The following SPMIP3 variants were observed in gnomAD, a reference collection of about 807,000 sequenced individuals.
SPMIP3 encodes the protein protein SPMIP3.
chr1:244,378,595 A>G, the SPMIP3 span: 1 of 1,614,162 alleles, frequency 6.2e-7, no homozygotes, highest in South Asian at 1.1e-5. Context: ...TGGTATAAAG[A>G]AACCACTTAC....
At chr1:244,374,358 C>G in the SPMIP3 span, among the ~76,000 whole-genome samples, 1 of 152,052 alleles carries the variant, frequency 6.6e-6, no homozygotes, top group Non-Finnish European at 1.5e-5. Context: ...GAGTCCCCCT[C>G]CCAGGCTTGC....
At chr1:244,361,231 C>CTTTTT in the SPMIP3 span, among the ~76,000 whole-genome samples, 14 of 56,630 alleles carry the variant, frequency 2.5e-4, no homozygotes, top group Admixed American at 2.8e-3. Flanking sequence ...TTTTTTCTTT[C>CTTTTT]TTTCTTTTTT....
the SPMIP3 span, chr1:244,378,328 TG>T: frequency 1.3e-6 from 1 of 788,774 alleles, no homozygotes; most frequent in Non-Finnish European, 2.0e-6. Flanking sequence ...TTGCCAGGGC[TG>T]GTCGCAGAGC....
chr1:244,369,065 A>C, the SPMIP3 span, among the ~76,000 whole-genome samples: 1 of 152,190 alleles, frequency 6.6e-6, no homozygotes, highest in Non-Finnish European at 1.5e-5. Flanking sequence ...AGGCTGAGGC[A>C]GGAGAATTGC....
the SPMIP3 span, among the ~76,000 whole-genome samples, chr1:244,377,246 C>T: frequency 2.6e-5 from 4 of 152,112 alleles, no homozygotes; most frequent in South Asian, 2.1e-4. Context: ...CTCAGCCTCC[C>T]GAGTAGCTGG....
chr1:244,363,648 C>T, the SPMIP3 span, among the ~76,000 whole-genome samples: 1 of 152,170 alleles, frequency 6.6e-6, no homozygotes, highest in African/African-American at 2.4e-5. Flanking sequence ...GAAGCTGCTT[C>T]CAGGAGTATT....
the SPMIP3 span, among the ~76,000 whole-genome samples, chr1:244,367,667 C>G: frequency 6.6e-6 from 1 of 152,192 alleles, no homozygotes; most frequent in Non-Finnish European, 1.5e-5. Context: ...TCCAGGGGCC[C>G]CAGGGCCTGC....
chr1:244,360,557 C>CACACACACAT, the SPMIP3 span, among the ~76,000 whole-genome samples: 4 of 56,070 alleles, frequency 7.1e-5, no homozygotes, highest in South Asian at 1.3e-3. Context: ...CACACACACA[C>CACACACACAT]ATGCATGCAT....
the SPMIP3 span, chr1:244,364,802 G>A: frequency 3.8e-6 from 6 of 1,584,840 alleles, no homozygotes; most frequent in East Asian, 2.2e-5. Flanking sequence ...AAGCCAGGCA[G>A]CCAGGTGCCT....
the SPMIP3 span, among the ~76,000 whole-genome samples, chr1:244,352,993 G>C: frequency 6.6e-6 from 1 of 152,104 alleles, no homozygotes; most frequent in African/African-American, 2.4e-5. Flanking sequence ...TATTAAATAA[G>C]ATAATTGGTT....
the SPMIP3 span, among the ~76,000 whole-genome samples, chr1:244,367,951 T>G: frequency 1.3e-5 from 2 of 151,972 alleles, no homozygotes; most frequent in South Asian, 4.2e-4. Context: ...TGGTTTTTTG[T>G]TTTGTTTTGT....
chr1:244,360,662 T>C, the SPMIP3 span, among the ~76,000 whole-genome samples: 1 of 151,862 alleles, frequency 6.6e-6, no homozygotes, highest in South Asian at 2.1e-4. Context: ...GGCGGGAGGA[T>C]CACCTGAGGT....
At chr1:244,358,293 A>ATATT in the SPMIP3 span, among the ~76,000 whole-genome samples, 106,596 of 151,436 alleles carry the variant, frequency 0.7, 38,182 homozygotes, top group South Asian at 0.8. Flanking sequence ...TGTGGTTTAA[A>ATATT]TATGTATGGG....
At chr1:244,372,600 C>T in the SPMIP3 span, among the ~76,000 whole-genome samples, 1 of 152,054 alleles carries the variant, frequency 6.6e-6, no homozygotes, top group African/African-American at 2.4e-5. Flanking sequence ...CCCGCCACCA[C>T]ACCTGGCTAA....
the SPMIP3 span, among the ~76,000 whole-genome samples, chr1:244,380,242 C>T: frequency 6.6e-6 from 1 of 150,830 alleles, no homozygotes; most frequent in African/African-American, 2.4e-5. Flanking sequence ...GCCTCAGCCT[C>T]CCAAGTAACT....
the SPMIP3 span, among the ~76,000 whole-genome samples, chr1:244,369,751 T>C: frequency 1.3e-4 from 18 of 141,030 alleles, no homozygotes; most frequent in East Asian, 3.0e-3. Context: ...GTTTGCATAA[T>C]GTGGGAAGAA....
the SPMIP3 span, among the ~76,000 whole-genome samples, chr1:244,355,282 A>T: frequency 1.3e-5 from 2 of 152,166 alleles, no homozygotes; most frequent in African/African-American, 4.8e-5. Context: ...GTGTTAGCTG[A>T]GGTTCTTCCC....
At chr1:244,373,618 T>C in the SPMIP3 span, among the ~76,000 whole-genome samples, 5 of 151,686 alleles carry the variant, frequency 3.3e-5, no homozygotes, top group Non-Finnish European at 7.4e-5. Flanking sequence ...GTAATATCTC[T>C]GCTATTCTTC....
At chr1:244,378,719 G>A in the SPMIP3 span, 1 of 1,442,894 alleles carries the variant, frequency 6.9e-7, no homozygotes, top group Non-Finnish European at 9.5e-7. Context: ...TAGGCTTGCT[G>A]TCTCAGGGAG....
Sources: gnomAD v4.1 joint callset for allele counts (sites outside exome capture counted in the v4.1 genomes callset) on GRCh38, gnomAD v4.1.1 for gene constraint, MANE v1.5 for transcripts, NCBI Gene and HGNC (gene_info 2026-07-23, HGNC 2026-07-21) for gene names.